Variants in LRP1B observed in about 807,000 individuals in gnomAD.
LRP1B encodes low-density lipoprotein receptor-related protein 1B.
LRP1B carries 217 observed loss-of-function variants against 556.6 expected under a neutral mutation model. That is an observed-to-expected ratio of 0.39 (90% CI 0.35 to 0.44). The LOEUF is 0.44. Ranked by LOEUF, LRP1B falls within the 20% of genes least tolerant of loss-of-function variation. The pLI is 1.00. For missense variants in LRP1B, 5,053 were observed against 5,620.8 expected, an observed-to-expected ratio of 0.90 and a Z score of 3.23; for synonymous variants, 2,047 against 1,865.8, an observed-to-expected ratio of 1.10 and a Z score of -2.50.
intron 31 of LRP1B, among the ~76,000 whole-genome samples, chr2:140,833,167 G>A (rs1257240334): frequency 1.3e-5 from 2 of 151,934 alleles, no homozygotes; most frequent in Non-Finnish European, 2.9e-5. Context: ...ACCTTAAACT[G>A]GAATAAATGG....
intron 66 of LRP1B, among the ~76,000 whole-genome samples, chr2:140,405,245 T>A (rs1184844578): frequency 1.3e-5 from 2 of 152,202 alleles, no homozygotes; most frequent in Non-Finnish European, 1.5e-5. Flanking sequence ...TAGCATTAAA[T>A]GTGTACATCG....
intron 2 of LRP1B, among the ~76,000 whole-genome samples, chr2:141,722,034 A>G (rs997831864): frequency 1.3e-5 from 2 of 152,162 alleles, no homozygotes; most frequent in Non-Finnish European, 2.9e-5. Flanking sequence ...GAGGATGCTC[A>G]AATGTCTTCT....
At chr2:141,409,185 T>G (rs1418327912) in intron 3 of LRP1B, among the ~76,000 whole-genome samples, 1 of 152,206 alleles carries the variant, frequency 6.6e-6, no homozygotes, top group Non-Finnish European at 1.5e-5. Flanking sequence ...ATATATGCAA[T>G]AGTCTTGACA....
chr2:141,150,286 A>G (rs11892722), intron 7 of LRP1B, among the ~76,000 whole-genome samples: 5,483 of 152,310 alleles, frequency 0.036, 307 homozygotes, highest in African/African-American at 0.12. Flanking sequence ...GTTCAAAGAT[A>G]CATTGTTTAT....
chr2:140,291,932 T>G (rs1056003429), intron 84 of LRP1B, among the ~76,000 whole-genome samples: 5 of 152,190 alleles, frequency 3.3e-5, no homozygotes, highest in Admixed American at 6.5e-5. Context: ...ACCAACAGTG[T>G]AAAAGTGTTC....
At chr2:141,273,482 A>G (rs1278860029) in intron 3 of LRP1B, among the ~76,000 whole-genome samples, 5 of 152,168 alleles carry the variant, frequency 3.3e-5, no homozygotes, top group African/African-American at 1.2e-4. Flanking sequence ...AATGGGGAGG[A>G]ATTAATTTTT....
intron 57 of LRP1B, among the ~76,000 whole-genome samples, chr2:140,487,976 C>T (rs1688542713): frequency 6.6e-6 from 1 of 151,662 alleles, no homozygotes; most frequent in Non-Finnish European, 1.5e-5. Flanking sequence ...CACAAAATTT[C>T]AAAATATTTA....
intron 1 of LRP1B, among the ~76,000 whole-genome samples, chr2:141,903,273 A>T (rs7578799): frequency 0.86 from 130,881 of 151,806 alleles, 56,606 homozygotes; most frequent in East Asian, 1. Flanking sequence ...GAATCTATAT[A>T]TTAAAGAAGA....
intron 7 of LRP1B, among the ~76,000 whole-genome samples, chr2:141,137,201 A>G (rs1017722723): frequency 6.6e-6 from 1 of 151,966 alleles, no homozygotes; most frequent in African/African-American, 2.4e-5. Context: ...GACTCAAGCA[A>G]AGGGTCTAAG....
intron 1 of LRP1B, among the ~76,000 whole-genome samples, chr2:141,839,010 T>C (rs1042061415): frequency 1.3e-5 from 2 of 152,178 alleles, no homozygotes; most frequent in African/African-American, 2.4e-5. Flanking sequence ...GGAGAGGACA[T>C]TGATGGTTTT....
intron 5 of LRP1B, among the ~76,000 whole-genome samples, chr2:141,233,394 T>C (rs1683542717): frequency 6.6e-6 from 1 of 152,190 alleles, no homozygotes; most frequent in Admixed American, 6.5e-5. Context: ...CATTTCTCTC[T>C]CCTGTGATGG....
intron 9 of LRP1B, 115 bp downstream of exon 9, chr2:141,058,768 G>A: frequency 2.7e-6 from 2 of 728,174 alleles, no homozygotes; most frequent in Non-Finnish European, 4.0e-6. Context: ...GCCTACTTTT[G>A]CTGTCAAAGC....
intron 17 of LRP1B, 113 bp downstream of exon 17, chr2:140,989,419 A>G: frequency 9.1e-7 from 1 of 1,104,104 alleles, no homozygotes; most frequent in Non-Finnish European, 1.3e-6. Flanking sequence ...TACTACTGCA[A>G]TAATCAGATC....
At chr2:140,345,385 A>C (rs533439474) in intron 77 of LRP1B, among the ~76,000 whole-genome samples, 1 of 151,628 alleles carries the variant, frequency 6.6e-6, no homozygotes, top group East Asian at 2.0e-4. Flanking sequence ...CTCTTCCTCA[A>C]AATACTCTCC....
chr2:140,927,543 A>G (rs926333623), intron 20 of LRP1B, among the ~76,000 whole-genome samples: 2 of 152,154 alleles, frequency 1.3e-5, no homozygotes, highest in Non-Finnish European at 2.9e-5. Context: ...GCATTTATAA[A>G]GTCATTAATT....
At chr2:140,449,287 A>G (rs1686790954) in intron 63 of LRP1B, among the ~76,000 whole-genome samples, 1 of 152,146 alleles carries the variant, frequency 6.6e-6, no homozygotes, top group African/African-American at 2.4e-5. Context: ...ATCATAGAAA[A>G]TTTACTTTAT....
chr2:141,563,920 T>C (rs1436061892), intron 2 of LRP1B, among the ~76,000 whole-genome samples: 1 of 152,018 alleles, frequency 6.6e-6, no homozygotes, highest in African/African-American at 2.4e-5. Flanking sequence ...GGTACTATGC[T>C]AACTATCTAG....
At chr2:141,651,914 G>C (rs1056371146) in intron 2 of LRP1B, among the ~76,000 whole-genome samples, 6 of 152,054 alleles carry the variant, frequency 3.9e-5, no homozygotes, top group African/African-American at 1.4e-4. Context: ...ATATATCTCA[G>C]TTGAAAATAT....
intron 25 of LRP1B, among the ~76,000 whole-genome samples, chr2:140,869,811 G>A (rs918801839): frequency 1.3e-5 from 2 of 152,066 alleles, no homozygotes. Flanking sequence ...AGGGAAAAAT[G>A]GAAAAGGAAC....
Sources: allele counts gnomAD v4.1 joint callset (sites outside exome capture counted in the v4.1 genomes callset), GRCh38; gene constraint gnomAD v4.1.1; transcripts MANE v1.5; gene names NCBI Gene and HGNC (gene_info 2026-07-23, HGNC 2026-07-21).